The following TAF7L variants were observed in gnomAD, a reference collection of about 807,000 sequenced individuals.
TAF7L encodes the protein TATA-box binding protein associated factor 7 like.
TAF7L carries 6 observed loss-of-function variants against 30.2 expected under a neutral mutation model. The ratio of observed to expected loss-of-function variants is 0.20; its 90% confidence interval spans 0.11 to 0.39. The LOEUF (loss-of-function observed/expected upper bound fraction) is 0.39. Among genes scored for constraint, TAF7L ranks in the 10% least tolerant of loss-of-function variants. The pLI is 1.00. For synonymous variants in TAF7L, 93 were observed against 94.5 expected (o/e 0.98, Z 0.09); for missense variants, 284 against 277.1 (o/e 1.03, Z -0.18).
At chrX:101,271,551 TTACTA>T (rs1923965544) in intron 12 of TAF7L, among the ~76,000 whole-genome samples, 1 of 111,929 alleles carries the variant, frequency 8.9e-6, no homozygotes, top group Non-Finnish European at 1.9e-5. Flanking sequence ...TATAGGGCAC[TTACTA>T]TGAATAGAGC....
rs1454166913 is a variant in TAF7L at position 101,276,473 on chromosome X, A to C, written c.747T>G (p.Asp249Glu). Reference sequence around the variant, plus strand: ...CCTCATCTTCATCATCCTCATCCTCATCATCATCATTGTTACTTCTAGAAT... The same window carrying C: ...CCTCATCTTCATCATCCTCATCCTCCTCATCATCATTGTTACTTCTAGAAT... ...FSDSRSNNDD[D>E]EDEDDEDEDE... Residue 249 changes from aspartate (D) to glutamate (E), a missense_variant, in exon 10 of 13, where the codon GAT (aspartate) becomes GAG (glutamate). Transcript: ENST00000356784. The C allele has an allele frequency of 1.7e-5, 21 of 1,201,140 alleles. No homozygotes were observed. Among genetic ancestry groups the C allele is most frequent in the Non-Finnish European group, 2.4e-5 (21 of 889,010 alleles).
At chrX:101,283,298 A>C (rs1455255908) in intron 4 of TAF7L, 152 bp downstream of exon 4, 3 of 635,101 alleles carry the variant, frequency 4.7e-6, no homozygotes, top group Non-Finnish European at 7.3e-6. Context: ...CCAAACGAGA[A>C]CATGACATTT....
chrX:101,292,503 G>A (rs190492600), upstream of TAF7L, among the ~76,000 whole-genome samples: 968 of 104,886 alleles, frequency 9.2e-3, 5 homozygotes, highest in Non-Finnish European at 0.015. Context: ...CCATTAGGTC[G>A]GACGGTTTGT....
chrX:101,286,192 A>AAAAGAAAGAAAGAAAGAAAGAAAG (rs1005206920), intron 3 of TAF7L, among the ~76,000 whole-genome samples: 8 of 106,283 alleles, frequency 7.5e-5, no homozygotes, highest in East Asian at 5.7e-4. Flanking sequence ...AAAAAAAAAA[A>AAAAGAAAGAAAGAAAGAAAGAAAG]AAAGAAAGAA....
chrX:101,275,102 T>C (rs1924112041), intron 12 of TAF7L, 120 bp downstream of exon 12: 1 of 549,320 alleles, frequency 1.8e-6, no homozygotes, highest in Non-Finnish European at 3.0e-6. Context: ...GCTACCTTCA[T>C]TTAGAAGATT....
At chrX:101,287,097 A>G (rs888141282) in intron 2 of TAF7L, among the ~76,000 whole-genome samples, 7 of 111,823 alleles carry the variant, frequency 6.3e-5, no homozygotes, top group Non-Finnish European at 1.1e-4. Flanking sequence ...ATGAGCTTTA[A>G]AAGTCTTGCA....
In TAF7L at chrX:101,268,494, C is replaced by G. The variant is rs951526927; in HGVS notation, c.*699G>C. 6 of 111,599 alleles carry G rather than the reference C, an allele frequency of 5.4e-5. No individual in the cohort carries two copies. The highest frequency in any genetic ancestry group is 4.8e-4 in the Admixed American group (5 of 10,442). 9.2% of individuals were successfully genotyped at this position (111,599 alleles called of 1,213,427 possible). ...CCCTTAGTTGGTGAATAACAACCAG[C>G]TCCATCCTAAAAACAACAGAACATA... On this transcript the variant is annotated 3_prime_UTR_variant, in exon 13 of 13. Transcript: ENST00000356784.
rs887347669 is a variant in TAF7L, at chrX:101,268,981, G to T, written c.*212C>A. The T allele has an allele frequency of 1.1e-4, 33 of 310,866 alleles. No homozygotes were observed. Among genetic ancestry groups the T allele is most frequent in the African/African-American group, 7.8e-4 (29 of 37,042 alleles). The allele number at this position is 310,866 out of a possible 1,213,427, so 25.6% of individuals were successfully genotyped here. On this transcript the variant is annotated 3_prime_UTR_variant, in exon 13 of 13. Coordinates refer to ENST00000356784, the MANE Select transcript of TAF7L (RefSeq NM_001168474.2). The stretch of plus-strand genomic sequence containing the variant: ...AAATTGACAAAGAGAAAGTCTCATG[G>T]TCGAGTGGGGTCTTTAAGTCTACTA...
upstream of TAF7L, among the ~76,000 whole-genome samples, chrX:101,292,256 T>TA (rs1217209786): frequency 1.6e-3 from 22 of 14,107 alleles, no homozygotes; most frequent in Non-Finnish European, 6.4e-4. Context: ...AAAAAATAAA[T>TA]AAAAAAAATA....
At position 101,287,516 on chromosome X, in the gene TAF7L, C is replaced by G. The variant is rs1924644667; in HGVS notation, c.28G>C (p.Asp10His). MSESQDEVP[D>H]EVENQFILRL... is the part of the protein sequence containing the mutation. ...AATATAAACTGGTTCTCAACTTCAT[C>G]AGGAACTTCATCCTGGCTTTCACTC... Residue 10 changes from aspartate (D) to histidine (H), a missense_variant, in exon 2 of 13, where the codon GAT (aspartate) becomes CAT (histidine). Physicochemically the swap from Asp to His is moderately conservative, Grantham distance 81. Transcript: ENST00000356784. 3 of 1,209,311 alleles carry G rather than the reference C, an allele frequency of 2.5e-6. No individual in the cohort carries two copies. In the East Asian group the frequency reaches 8.9e-5, roughly 36 times the overall value.
chrX:101,288,281 A>G lies in TAF7L; in HGVS notation c.-2-736T>C, dbSNP rs765895872. Among the ~76,000 whole-genome samples, 8 of 109,414 alleles carry G rather than the reference A, an allele frequency of 7.3e-5. No homozygotes were observed. In the South Asian group the frequency reaches 2.8e-3, roughly 39 times the overall value. ...CTCAGTCTCCCAAGTAGTTGGGACT[A>G]CAGGCATGCACCACCACACCTGGCT... is the stretch of plus-strand genomic sequence containing the variant. On this transcript the variant is annotated intron_variant, in intron 1 of 12. Coordinates refer to ENST00000356784, the MANE Select transcript of TAF7L (RefSeq NM_001168474.2).
chrX:101,277,176 A>AT (rs1924222943), intron 9 of TAF7L, among the ~76,000 whole-genome samples: 1 of 85,004 alleles, frequency 1.2e-5, no homozygotes, highest in African/African-American at 4.4e-5. Context: ...AAAAAAAAAA[A>AT]GGCCAGGCAC....
rs1285941931 is a variant in TAF7L, at chrX:101,268,515, A to T, written c.*678T>A. ...CCAGCTCCATCCTAAAAACAACAGA[A>T]CATAAGCAGCAGCAAGGAATCATCC... On this transcript the variant is annotated 3_prime_UTR_variant, in exon 13 of 13. Coordinates refer to ENST00000356784, the MANE Select transcript of TAF7L (RefSeq NM_001168474.2). 2 of 111,839 alleles carry T rather than the reference A, an allele frequency of 1.8e-5. No individual in the cohort carries two copies. Among genetic ancestry groups the T allele is most frequent in the African/African-American group, 6.5e-5 (2 of 30,760 alleles). The allele number at this position is 111,839 out of a possible 1,213,427, so 9.2% of individuals were successfully genotyped here.
At chrX:101,289,748 A>T (rs1924732440) in intron 1 of TAF7L, among the ~76,000 whole-genome samples, 1 of 109,896 alleles carries the variant, frequency 9.1e-6, no homozygotes, top group Admixed American at 9.7e-5. Flanking sequence ...ACACCCGGCT[A>T]AATTTTTTTT....
upstream of TAF7L, among the ~76,000 whole-genome samples, chrX:101,292,238 CA>C (rs776702288): frequency 4.0e-4 from 18 of 45,278 alleles, 1 homozygote; most frequent in East Asian, 9.9e-4. Flanking sequence ...GACTCCGTCT[CA>C]AAAAAAAAAA....
intron 6 of TAF7L, among the ~76,000 whole-genome samples, chrX:101,281,298 G>A (rs755913757): frequency 8.9e-6 from 1 of 111,827 alleles, no homozygotes; most frequent in Non-Finnish European, 1.9e-5. Flanking sequence ...AAAATAACAT[G>A]TTTAATTTTA....
intron 2 of TAF7L, 29 bp from the exon 3 acceptor site, chrX:101,286,682 A>G: frequency 9.0e-7 from 1 of 1,107,278 alleles, no homozygotes; most frequent in Admixed American, 2.2e-5. Flanking sequence ...GAAAAATCAG[A>G]AGAACTAAAC....
chrX:101,269,697 C>G (rs748825640), intron 12 of TAF7L, among the ~76,000 whole-genome samples: 1 of 110,989 alleles, frequency 9.0e-6, no homozygotes, highest in African/African-American at 3.3e-5. Context: ...TTCACTATCA[C>G]GAGAACAGCA....
At chrX:101,275,632 T>C (rs183106612) in intron 11 of TAF7L, among the ~76,000 whole-genome samples, 5 of 111,211 alleles carry the variant, frequency 4.5e-5, no homozygotes, top group Admixed American at 3.8e-4. Context: ...CTTAACCTCT[T>C]TGAGTTTCCA....
Sources: allele counts gnomAD v4.1 joint callset (sites outside exome capture counted in the v4.1 genomes callset), GRCh38; gene constraint gnomAD v4.1.1; transcripts MANE v1.5; gene names NCBI Gene and HGNC (gene_info 2026-07-23, HGNC 2026-07-21).